Variants in PTPRD observed in about 807,000 individuals in gnomAD.
PTPRD encodes the protein protein tyrosine phosphatase receptor type D.
PTPRD carries 34 observed loss-of-function variants against 214.5 expected under a neutral mutation model. That is an observed-to-expected ratio of 0.16 (90% CI 0.12 to 0.21). The LOEUF is 0.21. Ranked by LOEUF, PTPRD falls within the 10% of genes least tolerant of loss-of-function variation. The pLI is 1.00. For missense variants in PTPRD, 2,545 were observed against 2,398.7 expected, an observed-to-expected ratio of 1.06 and a Z score of -1.27; for synonymous variants, 1,128 against 845.7, an observed-to-expected ratio of 1.33 and a Z score of -5.79.
At chr9:10,555,224 A>G (rs559655890) in intron 2 of PTPRD, among the ~76,000 whole-genome samples, 2 of 152,344 alleles carry the variant, frequency 1.3e-5, no homozygotes, top group South Asian at 4.1e-4. Context: ...ATTTTTACAT[A>G]GCTAAAACCA....
intron 10 of PTPRD, among the ~76,000 whole-genome samples, chr9:9,150,820 C>T (rs1388702032): frequency 1.3e-5 from 2 of 152,118 alleles, no homozygotes; most frequent in Non-Finnish European, 2.9e-5. Context: ...TATGCTATGA[C>T]ATAAGGTAAA....
chr9:10,452,744 T>C (rs531092512), intron 2 of PTPRD, among the ~76,000 whole-genome samples: 4 of 151,942 alleles, frequency 2.6e-5, no homozygotes, highest in African/African-American at 4.8e-5. Flanking sequence ...GTCAGATACA[T>C]GGTTTGCAAT....
intron 2 of PTPRD, among the ~76,000 whole-genome samples, chr9:10,393,128 T>TA (rs1203930613): frequency 6.6e-6 from 1 of 151,924 alleles, no homozygotes; most frequent in African/African-American, 2.4e-5. Context: ...GCATAGTCAC[T>TA]AAAAATTTGT....
At chr9:9,445,292 T>C (rs1050018169) in intron 8 of PTPRD, among the ~76,000 whole-genome samples, 4 of 152,120 alleles carry the variant, frequency 2.6e-5, no homozygotes, top group African/African-American at 9.7e-5. Flanking sequence ...AAATGGACAA[T>C]ACAAATTAAA....
At chr9:8,690,763 G>A (rs1046703321) in intron 12 of PTPRD, among the ~76,000 whole-genome samples, 1 of 152,212 alleles carries the variant, frequency 6.6e-6, no homozygotes, top group East Asian at 1.9e-4. Context: ...TCTACTCTTA[G>A]TGAAAACTAA....
chr9:9,665,393 A>T (rs1229508424), intron 7 of PTPRD, among the ~76,000 whole-genome samples: 2 of 151,858 alleles, frequency 1.3e-5, no homozygotes, highest in East Asian at 3.8e-4. Context: ...GACAAAATAG[A>T]TGTTTTTTAT....
Position 9,168,340 on chromosome 9 carries a change from A to G in PTPRD, c.-143+14964T>C, listed in dbSNP as rs1334225695. Among the ~76,000 whole-genome samples the G allele has an allele frequency of 2.6e-5, 4 of 151,892 alleles. No individual in the cohort carries two copies. The East Asian group carries it at 5.8e-4, about 22-fold the overall frequency. ...CAATTTACTTTTTTAACATTTATTC[A>G]TTTTTTTATCTTGCCTTTTTAACCT... On this transcript the variant is annotated intron_variant, in intron 10 of 45. Transcript: ENST00000381196.
intron 12 of PTPRD, among the ~76,000 whole-genome samples, chr9:8,675,949 C>T (rs1269489554): frequency 2.0e-5 from 3 of 152,162 alleles, no homozygotes; most frequent in Non-Finnish European, 4.4e-5. Flanking sequence ...TGGTCCCTGA[C>T]CTTCGGGATC....
At chr9:9,213,384 T>A (rs944940412) in intron 9 of PTPRD, among the ~76,000 whole-genome samples, 2 of 152,194 alleles carry the variant, frequency 1.3e-5, no homozygotes, top group South Asian at 4.1e-4. Flanking sequence ...CAAAACACAG[T>A]GTTACTCTGT....
At chr9:8,407,402 C>T (rs576417275) in intron 35 of PTPRD, among the ~76,000 whole-genome samples, 1 of 152,260 alleles carries the variant, frequency 6.6e-6, no homozygotes, top group Admixed American at 6.5e-5. Context: ...CTCTGTGCTA[C>T]TTGGTACTTA....
At chr9:8,339,923 A>G (rs1283312774) in intron 42 of PTPRD, among the ~76,000 whole-genome samples, 6 of 152,056 alleles carry the variant, frequency 3.9e-5, no homozygotes. Context: ...CCAACACTTT[A>G]TTCAATGGGA....
At chr9:10,502,898 T>G (rs557223269) in intron 2 of PTPRD, among the ~76,000 whole-genome samples, 2 of 152,042 alleles carry the variant, frequency 1.3e-5, no homozygotes, top group African/African-American at 4.8e-5. Flanking sequence ...TTCTAACATA[T>G]TGATAGCAAT....
chr9:8,946,412 C>T (rs574423839), intron 11 of PTPRD, among the ~76,000 whole-genome samples: 3 of 152,234 alleles, frequency 2.0e-5, no homozygotes, highest in Admixed American at 6.5e-5. Context: ...TGGAAAGTTA[C>T]TTTACCTCTA....
chr9:10,285,577 C>T (rs1207825017), intron 3 of PTPRD, among the ~76,000 whole-genome samples: 2 of 146,036 alleles, frequency 1.4e-5, no homozygotes, highest in African/African-American at 5.1e-5. Flanking sequence ...TGACACTGGA[C>T]ATGTTTCATA....
At chr9:9,872,786 T>A (rs944212099) in intron 5 of PTPRD, among the ~76,000 whole-genome samples, 2 of 152,124 alleles carry the variant, frequency 1.3e-5, no homozygotes, top group African/African-American at 4.8e-5. Context: ...AAAAAGTAAT[T>A]GAGTATGTTC....
chr9:10,064,693 C>A (rs1305437620), intron 3 of PTPRD, among the ~76,000 whole-genome samples: 1 of 151,918 alleles, frequency 6.6e-6, no homozygotes, highest in South Asian at 2.1e-4. Flanking sequence ...ACCATATGAC[C>A]AAAGCCATAT....
rs368969337 is a variant in PTPRD at position 8,821,263 on chromosome 9, G to A, written c.-103-87317C>T. 1.5e-4 allele frequency among the ~76,000 whole-genome samples: 23 copies of A among 152,060 alleles called. No individual in the cohort carries two copies. In the South Asian group the frequency reaches 4.6e-3, roughly 30 times the overall value. ...TACATGCTCTCTGGGTTTGGCCCATGTTTACAGCCACCTCTCTCTCTCTCT... is the reference window on the plus strand; with the variant it reads ...TACATGCTCTCTGGGTTTGGCCCATATTTACAGCCACCTCTCTCTCTCTCT... On this transcript the variant is annotated intron_variant, in intron 11 of 45. Coordinates refer to ENST00000381196, the MANE Select transcript of PTPRD (RefSeq NM_002839.4).
intron 5 of PTPRD, among the ~76,000 whole-genome samples, chr9:9,857,835 G>C (rs2061848906): frequency 6.6e-6 from 1 of 152,130 alleles, no homozygotes; most frequent in Admixed American, 6.5e-5. Flanking sequence ...TTTGTCTTCT[G>C]AAAGAGTATA....
chr9:9,834,271 T>C (rs112236386), intron 5 of PTPRD, among the ~76,000 whole-genome samples: 23 of 152,190 alleles, frequency 1.5e-4, no homozygotes, highest in South Asian at 4.1e-4. Flanking sequence ...TATTGGACTA[T>C]GTAACAGTCA....
Sources: allele counts gnomAD v4.1 joint callset (sites outside exome capture counted in the v4.1 genomes callset), GRCh38; gene constraint gnomAD v4.1.1; transcripts MANE v1.5; gene names NCBI Gene and HGNC (gene_info 2026-07-23, HGNC 2026-07-21).